The following NLGN4X variants were observed in gnomAD, a reference collection of about 807,000 sequenced individuals.
The protein encoded by NLGN4X is neuroligin 4 X-linked, also known as neuroligin-4, X-linked.
In NLGN4X, 3 loss-of-function variants were observed where a neutral mutation model predicts 40.3. That is an observed-to-expected ratio of 0.07 (90% CI 0.03 to 0.19). The LOEUF is 0.19. Ranked by LOEUF, NLGN4X falls within the 10% of genes least tolerant of loss-of-function variation. The probability of loss-of-function intolerance (pLI) is 1.00; values close to 1 mark genes in which losing one functional copy is unlikely to be tolerated. For missense variants in NLGN4X, 382 were observed against 708.3 expected (o/e 0.54, Z 5.23); for synonymous variants, 270 against 306.8 (o/e 0.88, Z 1.25).
chrX:6,221,979 C>G (rs1019614061), intron 1 of NLGN4X, among the ~76,000 whole-genome samples: 7 of 111,944 alleles, frequency 6.3e-5, no homozygotes, highest in African/African-American at 2.3e-4. Flanking sequence ...AAACAAACCA[C>G]AATTCACCAT....
At chrX:6,054,628 A>C (rs1410961984) in intron 2 of NLGN4X, among the ~76,000 whole-genome samples, 2 of 110,819 alleles carry the variant, frequency 1.8e-5, no homozygotes, top group Non-Finnish European at 3.8e-5. Flanking sequence ...AAAAATAATA[A>C]TAAATAAATA....
At position 5,953,559 on chromosome X, in the gene NLGN4X, G is replaced by C. The variant is rs1047088469; in HGVS notation, c.626-44320C>G. Among the ~76,000 whole-genome samples the C allele has an allele frequency of 5.4e-5, 6 of 111,632 alleles. No homozygotes were observed. In the South Asian group the frequency reaches 1.1e-3, roughly 21 times the overall value. On this transcript the variant is annotated intron_variant, in intron 3 of 5. Coordinates refer to ENST00000381095, the MANE Select transcript of NLGN4X (RefSeq NM_181332.3). ...ATTATTACACATTGTATGCCTGTAGGAAAACACTGCATGTGCCCCATACAT... is the reference window on the plus strand; with the variant it reads ...ATTATTACACATTGTATGCCTGTAGCAAAACACTGCATGTGCCCCATACAT...
intron 3 of NLGN4X, among the ~76,000 whole-genome samples, chrX:5,967,314 T>G (rs1392055413): frequency 8.9e-6 from 1 of 112,286 alleles, no homozygotes; most frequent in Admixed American, 9.5e-5. Context: ...CTTTAAATTT[T>G]TATTGCACAG....
chrX:5,944,063 C>G (rs919142419), intron 3 of NLGN4X, among the ~76,000 whole-genome samples: 3 of 112,008 alleles, frequency 2.7e-5, no homozygotes, highest in Non-Finnish European at 5.6e-5. Flanking sequence ...GATTACCTGG[C>G]TTGGACATGA....
intron 3 of NLGN4X, among the ~76,000 whole-genome samples, chrX:5,934,850 A>G (rs886647869): frequency 8.9e-6 from 1 of 112,545 alleles, no homozygotes; most frequent in Non-Finnish European, 1.9e-5. Context: ...AGAAGTCAAT[A>G]TGTAATGTAG....
chrX:5,892,944 G>A lies in NLGN4X; in HGVS notation c.2324C>T (p.Thr775Met), dbSNP rs746531523. The A allele has an allele frequency of 6.6e-6, 8 of 1,209,514 alleles. No homozygotes were observed. The highest frequency in any genetic ancestry group is 3.5e-5 in the South Asian group (2 of 56,765). Residue 775 changes from threonine to methionine, a missense_variant, in exon 6 of 6, where the codon ACG (threonine) becomes ATG (methionine). Transcript: ENST00000381095. ...TGGAATCATGGTGATGGTGTTTGGCGTCATAAGTGGGATGTCATCTGGCGA... is the reference window on the plus strand; with the variant it reads ...TGGAATCATGGTGATGGTGTTTGGCATCATAAGTGGGATGTCATCTGGCGA... ...RRSPDDIPLM[T>M]PNTITMIPNT... is the part of the protein sequence containing the mutation.
intron 2 of NLGN4X, among the ~76,000 whole-genome samples, chrX:6,135,150 A>C (rs1365376008): frequency 8.9e-6 from 1 of 111,814 alleles, no homozygotes; most frequent in Non-Finnish European, 1.9e-5. Flanking sequence ...ATCTCAGACT[A>C]TCTCTGATTT....
intron 2 of NLGN4X, among the ~76,000 whole-genome samples, chrX:6,031,259 G>A (rs1448008378): frequency 8.9e-6 from 1 of 111,735 alleles, no homozygotes; most frequent in Non-Finnish European, 1.9e-5. Context: ...TGAGACAAAA[G>A]TTTATTTCAT....
chrX:6,169,769 G>A (rs1323813203), intron 1 of NLGN4X, among the ~76,000 whole-genome samples: 1 of 112,225 alleles, frequency 8.9e-6, no homozygotes, highest in Non-Finnish European at 1.9e-5. Context: ...GCTTCCCGTA[G>A]GATAGACAAA....
intron 1 of NLGN4X, among the ~76,000 whole-genome samples, chrX:6,212,716 T>C (rs1390148370): frequency 8.9e-6 from 1 of 111,902 alleles, no homozygotes; most frequent in East Asian, 2.8e-4. Context: ...AGAAGGTGTT[T>C]TTGCAAGCTG....
chrX:5,900,584 TTTTTTA>T (rs201148586), intron 5 of NLGN4X, among the ~76,000 whole-genome samples: 18,615 of 77,294 alleles, frequency 0.24, 3,175 homozygotes, highest in East Asian at 0.5. Context: ...TTTTTTTTTT[TTTTTTA>T]AAGATAAAGG....
chrX:6,108,529 A>C (rs1183365014), intron 2 of NLGN4X, among the ~76,000 whole-genome samples: 1 of 110,259 alleles, frequency 9.1e-6, no homozygotes, highest in Non-Finnish European at 1.9e-5. Context: ...TAAATAAAAA[A>C]TTGGCTGGGC....
intron 1 of NLGN4X, among the ~76,000 whole-genome samples, chrX:6,222,734 G>A (rs957933298): frequency 8.9e-6 from 1 of 112,557 alleles, no homozygotes; most frequent in Non-Finnish European, 1.9e-5. Flanking sequence ...TAATCCCCAC[G>A]TGTCGTGGAG....
At chrX:6,110,686 A>G (rs751353278) in intron 2 of NLGN4X, among the ~76,000 whole-genome samples, 31 of 111,905 alleles carry the variant, frequency 2.8e-4, no homozygotes, top group Non-Finnish European at 2.6e-4. Context: ...TCCTGGAAAG[A>G]GAAAGAAATG....
chrX:6,132,127 T>C (rs113686305), intron 2 of NLGN4X, among the ~76,000 whole-genome samples: 62 of 111,898 alleles, frequency 5.5e-4, no homozygotes, highest in African/African-American at 2.0e-3. Context: ...GAATTAAAAA[T>C]TGAGTAAGAC....
chrX:6,100,183 A>G (rs1321053287), intron 2 of NLGN4X, among the ~76,000 whole-genome samples: 1 of 112,857 alleles, frequency 8.9e-6, no homozygotes, highest in African/African-American at 3.2e-5. Context: ...TTTGTGGTTT[A>G]AGAACACCTT....
rs757236738 is a variant in NLGN4X, at chrX:6,043,298, T to TA, written c.473-13867dup. On this transcript the variant is annotated intron_variant, in intron 2 of 5. Transcript: ENST00000381095. ...TTTCAATGTGACTTTTTTAAATAAA[T>TA]AGTCATAAAAAATACCTAACAAAAC... Among the ~76,000 whole-genome samples, 262 of 110,305 alleles carry TA rather than the reference T, an allele frequency of 2.4e-3. 1 individual carries two copies. The highest frequency in any genetic ancestry group is 7.8e-3 in the African/African-American group (235 of 30,322).
Position 5,891,476 on chromosome X carries a change from A to G in NLGN4X, c.*1341T>C. The G allele has an allele frequency of 3.7e-6, 1 of 269,538 alleles. No individual in the cohort carries two copies. Among genetic ancestry groups the G allele is most frequent in the Non-Finnish European group, 6.8e-6 (1 of 146,465 alleles). 22.2% of individuals were successfully genotyped at this position (269,538 alleles called of 1,213,427 possible). A position where few individuals can be genotyped will look rare whatever the true frequency, so the allele number is the denominator to read the frequency against. ...GTGCTTAAACAAAAAGGAAAGACAC[A>G]TGTCTTCCTTCAATCTGATTAGCTA... On this transcript the variant is annotated 3_prime_UTR_variant, in exon 6 of 6. Coordinates refer to ENST00000381095, the MANE Select transcript of NLGN4X (RefSeq NM_181332.3).
At chrX:6,071,472 T>C in intron 2 of NLGN4X, among the ~76,000 whole-genome samples, 1 of 111,061 alleles carries the variant, frequency 9.0e-6, no homozygotes, top group African/African-American at 3.3e-5. Context: ...GAAGAAAAGA[T>C]TGTCCAATAT....
Sources: allele counts gnomAD v4.1 joint callset (sites outside exome capture counted in the v4.1 genomes callset), GRCh38; gene constraint gnomAD v4.1.1; transcripts MANE v1.5; gene names NCBI Gene and HGNC (gene_info 2026-07-23, HGNC 2026-07-21).